The following RNFT2 variants were observed in gnomAD, a reference collection of about 807,000 sequenced individuals.
The protein encoded by RNFT2 is E3 ubiquitin-protein ligase RNFT2.
RNFT2 carries 36 observed loss-of-function variants against 53.0 expected under a neutral mutation model. The observed-to-expected ratio is 0.68, with a 90% CI of 0.52 to 0.90. The LOEUF (loss-of-function observed/expected upper bound fraction) is 0.90, where lower values mean the gene tolerates loss of function less well. RNFT2 is among the 40% of genes least tolerant of loss of function. The pLI is 0.00. For synonymous variants in RNFT2, 260 were observed against 253.2 expected (o/e 1.03, Z -0.26); for missense variants, 514 against 585.6 (o/e 0.88, Z 1.26).
In RNFT2 at chr12:116,743,598, G is replaced by A. The variant is rs1354882981; in HGVS notation, c.83+2504G>A. On this transcript the variant is annotated intron_variant, in intron 3 of 10. Transcript: ENST00000257575. ...TTTATATCTATTGAAACCCAAGAGGGAACACACCTGGGGGCCTGTTCTCAG... is the reference window on the plus strand; with the variant it reads ...TTTATATCTATTGAAACCCAAGAGGAAACACACCTGGGGGCCTGTTCTCAG... 3.3e-5 allele frequency among the ~76,000 whole-genome samples: 5 copies of A among 152,064 alleles called. 1 individual carries two copies. Among genetic ancestry groups the A allele is most frequent in the Admixed American group, 1.3e-4 (2 of 15,248 alleles).
At chr12:116,808,047 T>C (rs1875172127) in intron 7 of RNFT2, among the ~76,000 whole-genome samples, 1 of 152,042 alleles carries the variant, frequency 6.6e-6, no homozygotes, top group African/African-American at 2.4e-5. Context: ...CACTACAACC[T>C]CCGCCTCCCA....
intron 10 of RNFT2, among the ~76,000 whole-genome samples, chr12:116,841,494 TCC>T (rs1283565842): frequency 6.6e-6 from 1 of 150,914 alleles, no homozygotes; most frequent in Non-Finnish European, 1.5e-5. Flanking sequence ...ACACCTGTAA[TCC>T]CAGCACTTTG....
chr12:116,740,811 C>T, intron 2 of RNFT2: 1 of 623,260 alleles, frequency 1.6e-6, no homozygotes, highest in South Asian at 1.9e-5. Context: ...CTCTGAGTCT[C>T]ATCGTCCTCC....
intron 6 of RNFT2, among the ~76,000 whole-genome samples, chr12:116,774,806 G>A (rs1272659895): frequency 1.3e-5 from 2 of 151,904 alleles, no homozygotes; most frequent in Non-Finnish European, 2.9e-5. Context: ...ATGGAGGGTG[G>A]AGGAGGTGGA....
intron 3 of RNFT2, among the ~76,000 whole-genome samples, chr12:116,747,043 T>G (rs1039922771): frequency 1.3e-5 from 2 of 152,110 alleles, no homozygotes; most frequent in African/African-American, 4.8e-5. Context: ...ACATATGTGT[T>G]TTATTATTAT....
At chr12:116,796,928 G>C (rs1485978332) in intron 7 of RNFT2, among the ~76,000 whole-genome samples, 1 of 152,204 alleles carries the variant, frequency 6.6e-6, no homozygotes, top group Non-Finnish European at 1.5e-5. Context: ...TCCCAACTAG[G>C]GGGCTGTGGT....
At chr12:116,788,378 C>T (rs1387210261) in intron 7 of RNFT2, among the ~76,000 whole-genome samples, 1 of 152,224 alleles carries the variant, frequency 6.6e-6, no homozygotes, top group Non-Finnish European at 1.5e-5. Context: ...CTGCTTGCTG[C>T]CCTGTCTCCC....
intron 7 of RNFT2, among the ~76,000 whole-genome samples, chr12:116,820,827 T>A (rs913736714): frequency 4.6e-5 from 7 of 152,130 alleles, no homozygotes; most frequent in African/African-American, 1.7e-4. Context: ...TCAGTGTCCA[T>A]CTCCTGGGAT....
At chr12:116,823,111 C>G (rs1876135680) in intron 7 of RNFT2, among the ~76,000 whole-genome samples, 1 of 152,198 alleles carries the variant, frequency 6.6e-6, no homozygotes, top group African/African-American at 2.4e-5. Flanking sequence ...CAGAGCCACC[C>G]CTGCCTTCCC....
At chr12:116,796,789 G>A (rs564713671) in intron 7 of RNFT2, among the ~76,000 whole-genome samples, 78 of 152,242 alleles carry the variant, frequency 5.1e-4, no homozygotes, top group Non-Finnish European at 1.0e-3. Flanking sequence ...CTCAGCTATG[G>A]TTTTGGCTGC....
chr12:116,796,095 G>GT (rs199536887), intron 7 of RNFT2, among the ~76,000 whole-genome samples: 1,599 of 152,134 alleles, frequency 0.011, 22 homozygotes, highest in East Asian at 0.051. Context: ...TTTTAGTAGA[G>GT]AAGGGTTTTC....
chr12:116,841,820 A>T lies in RNFT2; in HGVS notation c.1200+5538A>T, dbSNP rs866132726. On this transcript the variant is annotated intron_variant, in intron 10 of 10. Transcript: ENST00000257575. ...ATATATATATAAATATATATATAAA[A>T]ATATATATATATAAATATATATATA... 6.3e-4 allele frequency among the ~76,000 whole-genome samples: 27 copies of T among 42,542 alleles called. 1 individual carries two copies. The highest frequency in any genetic ancestry group is 2.2e-3 in the African/African-American group (22 of 10,210). The allele number at this position is 42,542 out of a possible 152,430, so 27.9% of individuals were successfully genotyped here.
chr12:116,839,105 G>A (rs112664083), intron 10 of RNFT2, among the ~76,000 whole-genome samples: 2,934 of 152,324 alleles, frequency 0.019, 104 homozygotes, highest in African/African-American at 0.066. Context: ...TCACGTCCCT[G>A]GCTATATGGT....
At chr12:116,781,358 A>C (rs1321577602) in intron 7 of RNFT2, among the ~76,000 whole-genome samples, 1 of 152,162 alleles carries the variant, frequency 6.6e-6, no homozygotes, top group Non-Finnish European at 1.5e-5. Flanking sequence ...GAAGCCCAAG[A>C]GGAGAGAGAG....
chr12:116,765,076 G>A (rs553478138), intron 5 of RNFT2, among the ~76,000 whole-genome samples: 11 of 152,240 alleles, frequency 7.2e-5, no homozygotes, highest in African/African-American at 2.2e-4. Flanking sequence ...CTGTATGTGC[G>A]TATCTTCCAT....
At chr12:116,758,160 T>C (rs1171923814) in intron 5 of RNFT2, among the ~76,000 whole-genome samples, 1 of 152,262 alleles carries the variant, frequency 6.6e-6, no homozygotes, top group East Asian at 1.9e-4. Context: ...TTGCTTTTGG[T>C]GTCCATTTGC....
intron 3 of RNFT2, among the ~76,000 whole-genome samples, chr12:116,747,991 TACCA>T (rs1335574331): frequency 2.0e-5 from 3 of 151,990 alleles, no homozygotes; most frequent in African/African-American, 7.2e-5. Flanking sequence ...AGGAGTTCAA[TACCA>T]GCCTGGCCAA....
intron 10 of RNFT2, among the ~76,000 whole-genome samples, chr12:116,844,978 C>T (rs1341397759): frequency 1.3e-5 from 2 of 152,058 alleles, no homozygotes; most frequent in African/African-American, 2.4e-5. Context: ...CATGGTGGCT[C>T]ACACCTATAA....
At chr12:116,834,038 G>GATTT (rs1156730081) in intron 8 of RNFT2, 97 bp downstream of exon 8, 22 of 1,029,224 alleles carry the variant, frequency 2.1e-5, no homozygotes, top group African/African-American at 6.7e-5. Context: ...TACCCATGCT[G>GATTT]ATTTATTTAT....
Sources: allele counts gnomAD v4.1 joint callset (sites outside exome capture counted in the v4.1 genomes callset), GRCh38; gene constraint gnomAD v4.1.1; transcripts MANE v1.5; gene names NCBI Gene and HGNC (gene_info 2026-07-23, HGNC 2026-07-21).